The following BBX variants were observed in gnomAD, a reference collection of about 807,000 sequenced individuals.
BBX encodes the protein HMG box transcription factor BBX.
BBX carries 30 observed loss-of-function variants against 100.2 expected under a neutral mutation model. The observed-to-expected ratio is 0.30, with a 90% CI of 0.22 to 0.41. The LOEUF (loss-of-function observed/expected upper bound fraction) is 0.41. BBX is among the 10% of genes least tolerant of loss of function. The pLI is 1.00. For missense variants in BBX, 1,023 were observed against 1,129.8 expected (o/e 0.91, Z 1.35); for synonymous variants, 376 against 388.1 (o/e 0.97, Z 0.37).
intron 3 of BBX, among the ~76,000 whole-genome samples, chr3:107,658,313 T>C (rs746967709): frequency 6.6e-6 from 1 of 152,152 alleles, no homozygotes; most frequent in Admixed American, 6.5e-5. Context: ...TCAAAGCTCA[T>C]CCAGGTATTA....
At chr3:107,639,225 A>G (rs2057047799) in intron 2 of BBX, among the ~76,000 whole-genome samples, 1 of 152,178 alleles carries the variant, frequency 6.6e-6, no homozygotes, top group South Asian at 2.1e-4. Context: ...TTGCCAAATT[A>G]TTGCTGACGT....
chr3:107,559,570 C>A (rs2050329924), intron 2 of BBX, among the ~76,000 whole-genome samples: 1 of 152,004 alleles, frequency 6.6e-6, no homozygotes, highest in Non-Finnish European at 1.5e-5. Flanking sequence ...AAGAGGCATC[C>A]CATGTGAAGA....
At chr3:107,738,045 A>G (rs2063782558) in intron 7 of BBX, among the ~76,000 whole-genome samples, 1 of 151,374 alleles carries the variant, frequency 6.6e-6, no homozygotes, top group South Asian at 2.1e-4. Flanking sequence ...TGAGCATTTC[A>G]GATTTTTGGA....
intron 3 of BBX, among the ~76,000 whole-genome samples, chr3:107,651,261 C>T (rs999335837): frequency 1.3e-5 from 2 of 152,144 alleles, no homozygotes; most frequent in African/African-American, 4.8e-5. Context: ...TAATCTGGTT[C>T]GTTAACAGTC....
intron 3 of BBX, among the ~76,000 whole-genome samples, chr3:107,647,874 C>T (rs1393491254): frequency 6.6e-6 from 1 of 152,152 alleles, no homozygotes; most frequent in African/African-American, 2.4e-5. Flanking sequence ...CTGGCATGTA[C>T]ATGTCTTGCA....
At chr3:107,676,696 T>C (rs988906649) in intron 3 of BBX, among the ~76,000 whole-genome samples, 13 of 152,156 alleles carry the variant, frequency 8.5e-5, no homozygotes, top group Non-Finnish European at 1.8e-4. Context: ...TTCTTTGTGG[T>C]AGTGGCAGAT....
chr3:107,525,171 C>A (rs916046500), intron 1 of BBX, among the ~76,000 whole-genome samples: 5 of 149,126 alleles, frequency 3.4e-5, no homozygotes, highest in African/African-American at 1.2e-4. Flanking sequence ...GACGTCCCCG[C>A]GCGGCCACCC....
rs16853787 is a variant in BBX at position 107,721,798 on chromosome 3, A to G, written c.405+4949A>G. Among the ~76,000 whole-genome samples the G allele has an allele frequency of 8.8e-3, 1,336 of 152,090 alleles. 60 individuals are homozygous for G. Among genetic ancestry groups the G allele is most frequent in the Admixed American group, 0.072 (1,091 of 15,216 alleles). On this transcript the variant is annotated intron_variant, in intron 5 of 17. Transcript: ENST00000325805. ...TTCTCATACTGTTTTGAATTGCCAC[A>G]TCTGTAAAATGGCAATTAAGATGCC...
At chr3:107,577,966 G>C (rs2051931773) in intron 2 of BBX, among the ~76,000 whole-genome samples, 1 of 152,122 alleles carries the variant, frequency 6.6e-6, no homozygotes, top group Non-Finnish European at 1.5e-5. Flanking sequence ...AAACCCTTGA[G>C]AACAACTTCT....
At chr3:107,650,784 G>A (rs916644221) in intron 3 of BBX, among the ~76,000 whole-genome samples, 14 of 152,110 alleles carry the variant, frequency 9.2e-5, no homozygotes, top group African/African-American at 3.4e-4. Context: ...TAGTTTGCTT[G>A]TGTTGCTGTA....
intron 5 of BBX, among the ~76,000 whole-genome samples, chr3:107,727,693 T>A (rs1282061497): frequency 6.6e-6 from 1 of 152,156 alleles, no homozygotes; most frequent in East Asian, 1.9e-4. Context: ...TAAAGGGAAA[T>A]GATAGAAAAA....
At chr3:107,767,504 C>A (rs539281699) in intron 10 of BBX, among the ~76,000 whole-genome samples, 9 of 152,274 alleles carry the variant, frequency 5.9e-5, no homozygotes, top group Admixed American at 3.3e-4. Flanking sequence ...GGGTTTCAAC[C>A]TCACTTTTGA....
At chr3:107,654,791 T>TAA (rs1161167348) in intron 3 of BBX, among the ~76,000 whole-genome samples, 1 of 152,166 alleles carries the variant, frequency 6.6e-6, no homozygotes, top group Non-Finnish European at 1.5e-5. Context: ...CTGTTTACCG[T>TAA]AACTGGGATG....
At position 107,709,624 on chromosome 3, in the gene BBX, A is replaced by G. The variant is rs1292709885; in HGVS notation, c.-9-828A>G. The stretch of plus-strand genomic sequence containing the variant: ...TTGAATGAGTGAATGAATGAATGAG[A>G]AGTAACATCAGAAAAAAAGTTGTGA... On this transcript the variant is annotated intron_variant, in intron 3 of 17. Coordinates refer to ENST00000325805, the MANE Select transcript of BBX (RefSeq NM_001142568.3). Among the ~76,000 whole-genome samples the G allele has an allele frequency of 2.0e-5, 3 of 152,230 alleles. No individual in the cohort carries two copies. In the East Asian group the frequency reaches 5.8e-4, roughly 29 times the overall value.
intron 2 of BBX, among the ~76,000 whole-genome samples, chr3:107,575,645 T>G (rs779081585): frequency 1.3e-5 from 2 of 150,972 alleles, no homozygotes; most frequent in Non-Finnish European, 3.0e-5. Flanking sequence ...GAAGTATAGT[T>G]TCCATGGCTG....
intron 5 of BBX, among the ~76,000 whole-genome samples, chr3:107,719,985 TA>T (rs1192084774): frequency 6.6e-6 from 1 of 152,028 alleles, no homozygotes; most frequent in Non-Finnish European, 1.5e-5. Context: ...TTGGAAAGCT[TA>T]AACAATTTGA....
intron 2 of BBX, among the ~76,000 whole-genome samples, chr3:107,559,102 A>C (rs777167176): frequency 6.6e-6 from 1 of 152,254 alleles, no homozygotes; most frequent in African/African-American, 2.4e-5. Flanking sequence ...CTTATCAAAG[A>C]GAGTTCTGGG....
At chr3:107,620,149 G>T (rs2055631120) in intron 2 of BBX, among the ~76,000 whole-genome samples, 1 of 151,418 alleles carries the variant, frequency 6.6e-6, no homozygotes, top group African/African-American at 2.4e-5. Flanking sequence ...TGATCTTTTT[G>T]CCTCTGTCCC....
At position 107,801,294 on chromosome 3, in the gene BBX, A is replaced by C. The variant is rs771883380; in HGVS notation, c.2738+13A>C. 3.7e-6 allele frequency: 6 copies of C among 1,607,892 alleles called. No homozygotes were observed. The highest frequency in any genetic ancestry group is 5.1e-6 in the Non-Finnish European group (6 of 1,176,890). On this transcript the variant is annotated intron_variant, in intron 17 of 17. Transcript: ENST00000325805. ...AAAATGTGCACAGGTTAGTGGTAGA[A>C]GGTGGAAGGAGAAAGCAACATGGAA...
Sources: gnomAD v4.1 joint callset for allele counts (sites outside exome capture counted in the v4.1 genomes callset) on GRCh38, gnomAD v4.1.1 for gene constraint, MANE v1.5 for transcripts, NCBI Gene and HGNC (gene_info 2026-07-23, HGNC 2026-07-21) for gene names.